GPC5: variants seen among roughly 807,000 people sequenced by gnomAD.
GPC5 encodes the protein glypican 5.
In GPC5, 47 loss-of-function variants were observed where a neutral mutation model predicts 53.9. That is an observed-to-expected ratio of 0.87 (90% CI 0.69 to 1.11). The LOEUF is 1.11. Ranked by LOEUF, GPC5 falls within the 50% of genes most tolerant of loss-of-function variation. The probability of loss-of-function intolerance (pLI) is 0.00; values close to 1 mark genes in which losing one functional copy is unlikely to be tolerated. For missense variants in GPC5, 748 were observed against 713.1 expected (o/e 1.05, Z -0.56); for synonymous variants, 286 against 263.3 (o/e 1.09, Z -0.84).
chr13:91,577,899 A>G (rs947443333), intron 2 of GPC5, among the ~76,000 whole-genome samples: 7 of 152,210 alleles, frequency 4.6e-5, no homozygotes, highest in African/African-American at 1.7e-4. Flanking sequence ...ATGGAACCTA[A>G]TTCCTTCTCC....
At chr13:92,138,617 G>C (rs1390583769) in intron 6 of GPC5, among the ~76,000 whole-genome samples, 2 of 152,056 alleles carry the variant, frequency 1.3e-5, no homozygotes, top group Non-Finnish European at 2.9e-5. Context: ...GTGTATGTTC[G>C]CTTAAGGGTG....
At chr13:92,036,777 C>A (rs1195998226) in intron 6 of GPC5, among the ~76,000 whole-genome samples, 1 of 152,206 alleles carries the variant, frequency 6.6e-6, no homozygotes, top group African/African-American at 2.4e-5. Context: ...AGTGTTTATG[C>A]AGTTGCTCAG....
chr13:92,107,140 A>G (rs2041516655), intron 6 of GPC5, among the ~76,000 whole-genome samples: 1 of 152,064 alleles, frequency 6.6e-6, no homozygotes, highest in Admixed American at 6.6e-5. Context: ...AGTTGGTGAC[A>G]GTGTCAGAAA....
chr13:91,554,154 T>C (rs1296520266), intron 2 of GPC5, among the ~76,000 whole-genome samples: 1 of 152,038 alleles, frequency 6.6e-6, no homozygotes, highest in Non-Finnish European at 1.5e-5. Context: ...TTGACAATGA[T>C]TTTAAAAAGA....
chr13:92,641,572 G>C (rs779858877), intron 7 of GPC5, among the ~76,000 whole-genome samples: 9 of 152,148 alleles, frequency 5.9e-5, no homozygotes, highest in Non-Finnish European at 1.3e-4. Context: ...ATGCTTATTT[G>C]AGGATATTTA....
intron 2 of GPC5, among the ~76,000 whole-genome samples, chr13:91,572,059 ATACATGTATATACACACATATGTATATG>A (rs1375734279): frequency 1.4e-5 from 2 of 144,418 alleles, no homozygotes; most frequent in Admixed American, 6.8e-5. Flanking sequence ...ATATGTATAT[ATACATGTATATACACACATATGTATATG>A]TACATGTGTG....
intron 5 of GPC5, among the ~76,000 whole-genome samples, chr13:91,896,074 C>G (rs1053881150): frequency 2.0e-5 from 3 of 151,768 alleles, no homozygotes; most frequent in Non-Finnish European, 4.4e-5. Context: ...TTAGGGCCTG[C>G]CCAGATAATC....
At chr13:91,609,530 C>A (rs531943810) in intron 2 of GPC5, among the ~76,000 whole-genome samples, 1 of 152,320 alleles carries the variant, frequency 6.6e-6, no homozygotes, top group South Asian at 2.1e-4. Flanking sequence ...ACAAACCCAG[C>A]TGCCAGAGGT....
chr13:92,431,165 C>G (rs1157806382), intron 7 of GPC5, among the ~76,000 whole-genome samples: 1 of 152,096 alleles, frequency 6.6e-6, no homozygotes, highest in Non-Finnish European at 1.5e-5. Flanking sequence ...ACTTATTAAC[C>G]ACTTCCTATG....
chr13:91,407,395 G>C (rs1431208025), intron 1 of GPC5, among the ~76,000 whole-genome samples: 1 of 152,196 alleles, frequency 6.6e-6, no homozygotes, highest in Non-Finnish European at 1.5e-5. Context: ...GTAAGGAAAA[G>C]AAAATTATTT....
intron 6 of GPC5, among the ~76,000 whole-genome samples, chr13:91,992,559 G>A (rs975861668): frequency 2.0e-5 from 3 of 151,558 alleles, no homozygotes; most frequent in Admixed American, 6.6e-5. Flanking sequence ...CCAGGTTCAA[G>A]CGATTCTCCT....
intron 7 of GPC5, among the ~76,000 whole-genome samples, chr13:92,699,876 G>C (rs1887673148): frequency 6.6e-6 from 1 of 152,106 alleles, no homozygotes; most frequent in Non-Finnish European, 1.5e-5. Context: ...AATAAGTGCA[G>C]TGTGGTGCTG....
rs533185596 is a variant in GPC5 at position 92,722,165 on chromosome 13, G to A, written c.1562-144117G>A. On this transcript the variant is annotated intron_variant, in intron 7 of 7. Coordinates refer to ENST00000377067, the MANE Select transcript of GPC5 (RefSeq NM_004466.6). ...TCCCAATAACTTGGGGTTATTTCAG[G>A]ATGTAAGCTCATTTCAAACAACTTG... 1.2e-4 allele frequency among the ~76,000 whole-genome samples: 18 copies of A among 152,012 alleles called. No individual in the cohort carries two copies. The South Asian group carries it at 3.5e-3, about 30-fold the overall frequency.
chr13:91,779,943 G>A (rs1260917206), intron 5 of GPC5, among the ~76,000 whole-genome samples: 2 of 152,088 alleles, frequency 1.3e-5, no homozygotes, highest in Non-Finnish European at 2.9e-5. Flanking sequence ...TAAATGTATA[G>A]TTTAGTAAAT....
At chr13:92,128,648 A>G (rs1379419321) in intron 6 of GPC5, among the ~76,000 whole-genome samples, 1 of 152,204 alleles carries the variant, frequency 6.6e-6, no homozygotes, top group Non-Finnish European at 1.5e-5. Context: ...TGTTGGACCA[A>G]TTGCAGGCAT....
At chr13:92,409,423 A>G (rs1875946481) in intron 7 of GPC5, among the ~76,000 whole-genome samples, 1 of 152,100 alleles carries the variant, frequency 6.6e-6, no homozygotes, top group East Asian at 1.9e-4. Flanking sequence ...TCAGTGAGCA[A>G]GAAGTATAGA....
intron 7 of GPC5, among the ~76,000 whole-genome samples, chr13:92,684,686 T>TAA (rs1887207160): frequency 6.6e-6 from 1 of 152,214 alleles, no homozygotes; most frequent in African/African-American, 2.4e-5. Flanking sequence ...TAATTATGAA[T>TAA]AACACTAGCA....
At chr13:91,613,647 A>G (rs1387641927) in intron 2 of GPC5, among the ~76,000 whole-genome samples, 1 of 152,218 alleles carries the variant, frequency 6.6e-6, no homozygotes, top group Non-Finnish European at 1.5e-5. Context: ...AGAAAAAACT[A>G]CAAGGAAGAA....
chr13:91,937,344 A>T (rs542228131), intron 6 of GPC5, among the ~76,000 whole-genome samples: 5 of 152,052 alleles, frequency 3.3e-5, no homozygotes, highest in Non-Finnish European at 7.4e-5. Context: ...TTAAAAGTAT[A>T]TTGGACAATA....
Sources: gnomAD v4.1 joint callset for allele counts (sites outside exome capture counted in the v4.1 genomes callset) on GRCh38, gnomAD v4.1.1 for gene constraint, MANE v1.5 for transcripts, NCBI Gene and HGNC (gene_info 2026-07-23, HGNC 2026-07-21) for gene names.